LUZP2: variants seen among roughly 807,000 people sequenced by gnomAD.
LUZP2 encodes the protein leucine zipper protein 2.
Under a neutral mutation model 51.6 loss-of-function variants are expected in LUZP2, and 52 were observed. That is an observed-to-expected ratio of 1.01 (90% confidence interval 0.81 to 1.27). The LOEUF (loss-of-function observed/expected upper bound fraction) is 1.27. Among genes scored for constraint, LUZP2 ranks in the 50% most tolerant of loss-of-function variants. The pLI, the probability that LUZP2 is intolerant of heterozygous loss-of-function variation, is 0.00. For missense variants in LUZP2, 436 were observed against 395.4 expected (o/e 1.10, Z -0.87); for synonymous variants, 154 against 137.3 (o/e 1.12, Z -0.85).
chr11:25,068,693 A>G lies in LUZP2; in HGVS notation c.859-8636A>G, dbSNP rs1420913118. Reference sequence around the variant, plus strand: ...GAACGCATTGACTTCTTAGAAACATAGACATGTTACTGCAGGATATTTACA... The same window carrying G: ...GAACGCATTGACTTCTTAGAAACATGGACATGTTACTGCAGGATATTTACA... On this transcript the variant is annotated intron_variant, in intron 10 of 11. Transcript: ENST00000336930. 2.0e-5 allele frequency among the ~76,000 whole-genome samples: 3 copies of G among 152,000 alleles called. No individual in the cohort carries two copies. In the East Asian group the frequency reaches 5.8e-4, roughly 29 times the overall value.
At chr11:24,507,801 ATCT>A (rs1850186228) in intron 1 of LUZP2, among the ~76,000 whole-genome samples, 1 of 152,032 alleles carries the variant, frequency 6.6e-6, no homozygotes, top group South Asian at 2.1e-4. Context: ...AGTTTTGATC[ATCT>A]TCTCCCTACT....
intron 9 of LUZP2, among the ~76,000 whole-genome samples, chr11:25,004,011 C>T (rs1331047455): frequency 2.0e-5 from 3 of 152,124 alleles, no homozygotes. Flanking sequence ...TTGTCCAGGA[C>T]AGGAGATTAG....
intron 1 of LUZP2, among the ~76,000 whole-genome samples, chr11:24,596,417 A>T (rs1853446279): frequency 6.6e-6 from 1 of 152,168 alleles, no homozygotes; most frequent in African/African-American, 2.4e-5. Context: ...TTAATGAGAG[A>T]TTTGTAGGAC....
chr11:24,788,327 C>A (rs765276697), intron 5 of LUZP2, among the ~76,000 whole-genome samples: 22 of 151,496 alleles, frequency 1.5e-4, no homozygotes, highest in Non-Finnish European at 2.5e-4. Flanking sequence ...GTAGCTGGGA[C>A]TACAGGTGTG....
chr11:25,077,485 A>G (rs1565316871), intron 11 of LUZP2, 79 bp downstream of exon 11: 1 of 557,906 alleles, frequency 1.8e-6, no homozygotes, highest in African/African-American at 2.0e-5. Context: ...TTTTATTTAT[A>G]TTATTTTTTA....
chr11:24,858,543 G>A (rs753591147), intron 5 of LUZP2, among the ~76,000 whole-genome samples: 3 of 152,000 alleles, frequency 2.0e-5, no homozygotes, highest in Non-Finnish European at 2.9e-5. Context: ...GTATTTCTAC[G>A]GGCATTGAGT....
intron 1 of LUZP2, among the ~76,000 whole-genome samples, chr11:24,586,171 A>C (rs9633851): frequency 0.53 from 80,831 of 151,802 alleles, 22,047 homozygotes; most frequent in African/African-American, 0.63. Context: ...TTTAAATAGA[A>C]TAGCAAGTCA....
chr11:25,057,468 G>A (rs1012763520), intron 10 of LUZP2, among the ~76,000 whole-genome samples: 23 of 152,076 alleles, frequency 1.5e-4, no homozygotes, highest in African/African-American at 5.3e-4. Context: ...TCTAAAAGCT[G>A]CGTTGTTTAA....
rs566792858 is a variant in LUZP2, at chr11:24,807,965, G to A, written c.396+44657G>A. Among the ~76,000 whole-genome samples, 11 of 152,204 alleles carry A rather than the reference G, an allele frequency of 7.2e-5. No homozygotes were observed. In the South Asian group the frequency reaches 2.3e-3, roughly 32 times the overall value. ...AGCGTCACTATCAAATAGAATCCAA[G>A]TCATTTCTTAATTATTTTGGGGTGT... On this transcript the variant is annotated intron_variant, in intron 5 of 11. Transcript: ENST00000336930.
intron 7 of LUZP2, among the ~76,000 whole-genome samples, chr11:24,952,093 T>A (rs944107765): frequency 6.6e-6 from 1 of 151,710 alleles, no homozygotes; most frequent in African/African-American, 2.4e-5. Flanking sequence ...GAATCATAGA[T>A]TTGATAATAA....
chr11:24,765,408 C>A (rs953400883), intron 5 of LUZP2, among the ~76,000 whole-genome samples: 1 of 151,964 alleles, frequency 6.6e-6, no homozygotes, highest in African/African-American at 2.4e-5. Context: ...TAGGGAAGTG[C>A]CAAAAGATGA....
At chr11:24,865,959 A>G (rs1204161954) in intron 5 of LUZP2, among the ~76,000 whole-genome samples, 1 of 151,590 alleles carries the variant, frequency 6.6e-6, no homozygotes, top group African/African-American at 2.4e-5. Context: ...ACAGATGTGC[A>G]CCACCATGCC....
At chr11:25,061,307 G>A (rs1197441236) in intron 10 of LUZP2, among the ~76,000 whole-genome samples, 6 of 152,152 alleles carry the variant, frequency 3.9e-5, no homozygotes, top group Non-Finnish European at 7.3e-5. Flanking sequence ...TACCGTGATT[G>A]CTTTTGTGAT....
intron 5 of LUZP2, among the ~76,000 whole-genome samples, chr11:24,785,477 T>C (rs1199587198): frequency 6.6e-6 from 1 of 151,982 alleles, no homozygotes; most frequent in Non-Finnish European, 1.5e-5. Flanking sequence ...GTCATTTAAA[T>C]AGCCTGTGAC....
At chr11:24,867,787 A>G (rs1158654408) in intron 5 of LUZP2, among the ~76,000 whole-genome samples, 2 of 152,122 alleles carry the variant, frequency 1.3e-5, no homozygotes, top group African/African-American at 4.8e-5. Flanking sequence ...TTGTTTCTCT[A>G]CTTACCTATA....
At chr11:24,895,203 G>A (rs1852999372) in intron 5 of LUZP2, among the ~76,000 whole-genome samples, 1 of 152,128 alleles carries the variant, frequency 6.6e-6, no homozygotes, top group Non-Finnish European at 1.5e-5. Flanking sequence ...TAAGTAGGTT[G>A]AGTTACAGTG....
chr11:25,053,101 A>C lies in LUZP2; in HGVS notation c.858+2971A>C, dbSNP rs1858571575. ...GTAAATAGGAACCTGAATCTAGGCA[A>C]TCACAGAAACAATTGGGAACAAACA... On this transcript the variant is annotated intron_variant, in intron 10 of 11. Coordinates refer to ENST00000336930, the MANE Select transcript of LUZP2 (RefSeq NM_001009909.4). Among the ~76,000 whole-genome samples, 3 of 152,286 alleles carry C rather than the reference A, an allele frequency of 2.0e-5. No homozygotes were observed. In the South Asian group the frequency reaches 6.2e-4, roughly 32 times the overall value.
intron 9 of LUZP2, among the ~76,000 whole-genome samples, chr11:25,007,023 TC>T (rs1209551384): frequency 6.6e-6 from 1 of 152,208 alleles, no homozygotes; most frequent in Non-Finnish European, 1.5e-5. Flanking sequence ...TGCTGATTGG[TC>T]TGTTTTTACA....
rs7945883 is a variant in LUZP2 at position 24,683,521 on chromosome 11, T to C, written c.63-45648T>C. On this transcript the variant is annotated intron_variant, in intron 1 of 11. Coordinates refer to ENST00000336930, the MANE Select transcript of LUZP2 (RefSeq NM_001009909.4). ...AATTTTAAGATGTCATTAATATAGA[T>C]TCTTAAATTTGCATAATTTATTTTT... Among the ~76,000 whole-genome samples, 289 of 152,346 alleles carry C rather than the reference T, an allele frequency of 1.9e-3. 2 individuals are homozygous for C. Among genetic ancestry groups the C allele is most frequent in the African/African-American group, 6.4e-3 (267 of 41,586 alleles).
Sources: gnomAD v4.1 joint callset for allele counts (sites outside exome capture counted in the v4.1 genomes callset) on GRCh38, gnomAD v4.1.1 for gene constraint, MANE v1.5 for transcripts, NCBI Gene and HGNC (gene_info 2026-07-23, HGNC 2026-07-21) for gene names.